Variants in PCDH7 observed in about 807,000 individuals in gnomAD.
PCDH7 encodes protocadherin 7.
In PCDH7, 17 loss-of-function variants were observed where a neutral mutation model predicts 58.9. The ratio of observed to expected loss-of-function variants is 0.29; its 90% confidence interval spans 0.20 to 0.43. The LOEUF is 0.43. Among genes scored for constraint, PCDH7 ranks in the 20% least tolerant of loss-of-function variants. The pLI, the probability that PCDH7 is intolerant of heterozygous loss-of-function variation, is 1.00. For synonymous variants in PCDH7, 664 were observed against 616.4 expected, an observed-to-expected ratio of 1.08 and a Z score of -1.14; for missense variants, 1,274 against 1,441.0, an observed-to-expected ratio of 0.88 and a Z score of 1.88.
rs1192246400 is a variant in PCDH7 at position 30,722,744 on chromosome 4, C to G, written c.1322C>G (p.Pro441Arg). Reference sequence around the variant, plus strand: ...GCCGAGGACGTTCTGGTCGACACCCCCATCGCTCTGGTGCAGGTGTCCGAC... The same window carrying G: ...GCCGAGGACGTTCTGGTCGACACCCGCATCGCTCTGGTGCAGGTGTCCGAC... Residue 441 changes from proline (P) to arginine (R), a missense_variant, in exon 1 of 2, where the codon CCC becomes CGC. Physicochemically the swap from Pro to Arg is moderately radical, Grantham distance 103. Coordinates refer to ENST00000361762, the Ensembl canonical transcript of PCDH7. The surrounding 1 kb of genome is among the most constrained non-coding windows in gnomAD (Gnocchi z 7.6). 6.2e-7 allele frequency: 1 copy of G among 1,613,488 alleles called. No homozygotes were observed. Among genetic ancestry groups the G allele is most frequent in the East Asian group, 2.2e-5 (1 of 44,872 alleles).
chr4:30,913,188 CATT>C (rs968965932), intron 1 of PCDH7, among the ~76,000 whole-genome samples: 5 of 151,458 alleles, frequency 3.3e-5, no homozygotes, highest in South Asian at 2.1e-4. Flanking sequence ...ATATTGATAA[CATT>C]AATAGTCATG....
Position 30,722,280 on chromosome 4 carries a change from G to T in PCDH7, c.858G>T (p.Pro286=). The change falls in exon 1 of 2, where the codon CCG becomes CCT. Residue 286 remains proline (P), a synonymous_variant. Transcript: ENST00000361762. This position sits in a 1 kb window ranked among gnomAD's most constrained non-coding sequence, Gnocchi z 7.6. ...TGCGAGTGCGCGACGGCGGCGACCCGCCTCGCTCCTCGCAGGCCATCCTAC... is the reference window on the plus strand; with the variant it reads ...TGCGAGTGCGCGACGGCGGCGACCCTCCTCGCTCCTCGCAGGCCATCCTAC... The T allele has an allele frequency of 1.2e-6, 2 of 1,601,992 alleles. No homozygotes were observed. Among genetic ancestry groups the T allele is most frequent in the South Asian group, 1.1e-5 (1 of 89,714 alleles).
At chr4:30,731,059 A>C in exon 2 of PCDH7, 1 of 1,164,408 alleles carries the variant, frequency 8.6e-7, no homozygotes, top group South Asian at 4.1e-5. Context: ...GGCGGTTAGC[A>C]CCTATTAGAC....
At chr4:30,736,198 T>G (rs1221585813), downstream of PCDH7, among the ~76,000 whole-genome samples, 1 of 152,198 alleles carries the variant, frequency 6.6e-6, no homozygotes, top group African/African-American at 2.4e-5. Flanking sequence ...AGGCCTGTTT[T>G]TCACTGTTGG....
At chr4:30,728,253 G>C (rs954044072) in intron 1 of PCDH7, among the ~76,000 whole-genome samples, 2 of 147,382 alleles carry the variant, frequency 1.4e-5, no homozygotes, top group African/African-American at 5.0e-5. Flanking sequence ...ATTTGTGTGT[G>C]TGTGTGTGTG....
intron 3 of PCDH7, among the ~76,000 whole-genome samples, chr4:31,021,111 G>A (rs1352160060): frequency 2.0e-5 from 3 of 152,182 alleles, no homozygotes; most frequent in African/African-American, 7.2e-5. Flanking sequence ...AGATAAAACT[G>A]TGCATGGGAA....
chr4:31,062,485 G>A (rs531226303), intron 3 of PCDH7, among the ~76,000 whole-genome samples: 2 of 151,678 alleles, frequency 1.3e-5, no homozygotes, highest in South Asian at 4.2e-4. Context: ...ATCAAAAACA[G>A]GCCTGAAATG....
chr4:30,723,008 A>G lies in PCDH7; in HGVS notation c.1586A>G (p.Asn529Ser). 6.2e-7 allele frequency: 1 copy of G among 1,613,806 alleles called. No individual in the cohort carries two copies. The highest frequency in any genetic ancestry group is 8.5e-7 in the Non-Finnish European group (1 of 1,180,026). ...CTGATTGTCAAGGTGGGAGACACCA[A>G]CGACAACCCGCCCATGTTCGGCCAG... The change falls in exon 1 of 2, where the codon AAC becomes AGC. Residue 529 changes from asparagine to serine, a missense_variant. This residue lies in a region of PCDH7 where 731 missense variants were observed against 881.9 expected (regional missense o/e 0.83). Coordinates refer to ENST00000361762, the Ensembl canonical transcript of PCDH7. This position sits in a 1 kb window ranked among gnomAD's most constrained non-coding sequence, Gnocchi z 4.6.
intron 1 of PCDH7, among the ~76,000 whole-genome samples, chr4:30,798,323 C>T (rs989777868): frequency 3.9e-5 from 6 of 152,224 alleles, no homozygotes; most frequent in Middle Eastern, 3.4e-3. Flanking sequence ...AATCAAATAA[C>T]CCTAAATATA....
At position 30,795,758 on chromosome 4, in the gene PCDH7, A is replaced by C. The variant is rs748061908; in HGVS notation, c.70+71162A>C. 3.9e-5 allele frequency among the ~76,000 whole-genome samples: 6 copies of C among 152,338 alleles called. 1 individual carries two copies. The highest frequency in any genetic ancestry group is 3.3e-4 in the Admixed American group (5 of 15,296). On this transcript the variant is annotated intron_variant, in intron 1 of 3. Coordinates refer to the PCDH7 transcript ENST00000509759. ...ATAAATACACTTGCTGTTTACCAAG[A>C]CTTTGAAAAGTATGTTTTTGAATTG...
chr4:31,142,117 G>A (rs938790902), intron 3 of PCDH7, among the ~76,000 whole-genome samples: 1 of 152,068 alleles, frequency 6.6e-6, no homozygotes, highest in East Asian at 1.9e-4. Context: ...TTTTCTTATG[G>A]ATGTGGAAAA....
chr4:30,964,255 T>TTATTTA (rs1560538426), intron 3 of PCDH7, among the ~76,000 whole-genome samples: 1 of 150,980 alleles, frequency 6.6e-6, no homozygotes, highest in Admixed American at 6.6e-5. Context: ...TATTTATTTT[T>TTATTTA]TTTTGAGATG....
At chr4:31,119,496 G>A (rs1310923993) in intron 3 of PCDH7, among the ~76,000 whole-genome samples, 1 of 151,942 alleles carries the variant, frequency 6.6e-6, no homozygotes, top group Non-Finnish European at 1.5e-5. Context: ...AGGGGCATAA[G>A]GCAGAAGAAG....
chr4:31,118,727 C>T (rs1248185817), intron 3 of PCDH7, among the ~76,000 whole-genome samples: 1 of 152,084 alleles, frequency 6.6e-6, no homozygotes, highest in Non-Finnish European at 1.5e-5. Context: ...AATAGTGATA[C>T]TTATGTAAGA....
intron 1 of PCDH7, among the ~76,000 whole-genome samples, chr4:30,726,313 T>G (rs1220602125): frequency 1.3e-5 from 2 of 152,046 alleles, no homozygotes; most frequent in East Asian, 3.8e-4. Context: ...TATTTACACC[T>G]CGGTTCTTAT....
At chr4:30,926,662 T>C (rs1270057177) in intron 2 of PCDH7, among the ~76,000 whole-genome samples, 1 of 152,200 alleles carries the variant, frequency 6.6e-6, no homozygotes, top group Non-Finnish European at 1.5e-5. Context: ...TCATGACTAG[T>C]GACTTATAAA....
intron 3 of PCDH7, chr4:30,987,876 G>A (rs1342100311): frequency 6.6e-6 from 1 of 152,078 alleles, no homozygotes; most frequent in Non-Finnish European, 1.5e-5. Context: ...GGGCAATTTA[G>A]GAGTGTGTGC....
chr4:31,112,493 AT>A (rs1716452306), intron 3 of PCDH7, among the ~76,000 whole-genome samples: 1 of 152,216 alleles, frequency 6.6e-6, no homozygotes, highest in Non-Finnish European at 1.5e-5. Flanking sequence ...TCTACTTAAC[AT>A]CTTTCATGAG....
intron 3 of PCDH7, among the ~76,000 whole-genome samples, chr4:31,076,242 C>G (rs537081674): frequency 6.6e-6 from 1 of 152,120 alleles, no homozygotes; most frequent in African/African-American, 2.4e-5. Context: ...TGCCAATGCT[C>G]TTAATATGTA....
Sources: allele counts gnomAD v4.1 joint callset (sites outside exome capture counted in the v4.1 genomes callset), GRCh38; gene constraint gnomAD v4.1.1; regional missense constraint gnomAD v4.1.1; non-coding constraint Gnocchi (gnomAD v3.1); transcripts MANE v1.5; gene names NCBI Gene and HGNC (gene_info 2026-07-23, HGNC 2026-07-21).